SRGAP2C: variants seen among roughly 807,000 people sequenced by gnomAD.
SRGAP2C encodes SLIT-ROBO Rho GTPase-activating protein 2C.
Under a neutral mutation model 25.1 loss-of-function variants are expected in SRGAP2C, and 15 were observed. The ratio of observed to expected loss-of-function variants is 0.60; its 90% CI spans 0.40 to 0.92. The LOEUF (loss-of-function observed/expected upper bound fraction) is 0.92, where lower values mean the gene tolerates loss of function less well. Ranked by LOEUF, SRGAP2C falls within the 40% of genes least tolerant of loss-of-function variation. The probability of loss-of-function intolerance (pLI) is 0.00; values close to 1 mark genes in which losing one functional copy is unlikely to be tolerated. For missense variants in SRGAP2C, 144 were observed against 264.4 expected (o/e 0.54, Z 3.16); for synonymous variants, 44 against 96.6 (o/e 0.46, Z 3.19).
chr1:121,207,347 C>T (rs1243360610), intron 2 of SRGAP2C, among the ~76,000 whole-genome samples: 73 of 151,604 alleles, frequency 4.8e-4, no homozygotes, highest in African/African-American at 1.6e-3. Context: ...TGCCTTGCTC[C>T]GAGTTTGGTT....
At chr1:121,295,869 C>A (rs1239056924) in intron 3 of SRGAP2C, among the ~76,000 whole-genome samples, 1 of 152,104 alleles carries the variant, frequency 6.6e-6, no homozygotes, top group African/African-American at 2.4e-5. Context: ...TCAAGCTATT[C>A]TCCTGCCTCA....
At chr1:121,337,777 T>C (rs1434871529) in intron 4 of SRGAP2C, among the ~76,000 whole-genome samples, 3 of 133,038 alleles carry the variant, frequency 2.3e-5, no homozygotes, top group African/African-American at 8.6e-5. Flanking sequence ...ACACGAATAG[T>C]GTGCAAGCTG....
chr1:121,391,465 A>G lies in SRGAP2C; in HGVS notation c.*3610A>G, dbSNP rs1660079958. 6.6e-6 allele frequency: 1 copy of G among 152,270 alleles called. No homozygotes were observed. The highest frequency in any genetic ancestry group is 1.5e-5 in the Non-Finnish European group (1 of 68,058). The allele number at this position is 152,270 out of a possible 1,614,324, so 9.4% of individuals were successfully genotyped here. A position where few individuals can be genotyped will look rare whatever the true frequency, so the allele number is the denominator to read the frequency against. ...AAGCCAGTCTGCATGGCCTACAGAC[A>G]TATTTTGCTGGACAATGATTACTTG... On this transcript the variant is annotated 3_prime_UTR_variant, in exon 10 of 10. Coordinates refer to ENST00000367123, the MANE Select transcript of SRGAP2C (RefSeq NM_001329984.2).
chr1:121,309,583 C>A (rs1657933934), intron 3 of SRGAP2C, among the ~76,000 whole-genome samples: 1 of 151,678 alleles, frequency 6.6e-6, no homozygotes, highest in African/African-American at 2.4e-5. Flanking sequence ...CTCCCCCAAC[C>A]CCACCACAGT....
intron 4 of SRGAP2C, among the ~76,000 whole-genome samples, chr1:121,350,106 A>T (rs1226200241): frequency 6.6e-6 from 1 of 151,272 alleles, no homozygotes; most frequent in East Asian, 1.9e-4. Context: ...TAGGGCTAGC[A>T]GGACAAATAT....
intron 2 of SRGAP2C, among the ~76,000 whole-genome samples, chr1:121,272,327 A>G (rs587643553): frequency 6.6e-6 from 1 of 151,684 alleles, no homozygotes; most frequent in South Asian, 2.1e-4. Flanking sequence ...TAGAGAGATA[A>G]GTAATTTGCC....
rs1413356057 is a variant in SRGAP2C at position 121,391,536 on chromosome 1, G to C, written c.*3681G>C. 1 of 150,796 alleles carries C rather than the reference G, an allele frequency of 6.6e-6. No homozygotes were observed. Among genetic ancestry groups the C allele is most frequent in the Non-Finnish European group, 1.5e-5 (1 of 67,708 alleles). The allele number at this position is 150,796 out of a possible 1,614,324, so 9.3% of individuals were successfully genotyped here. Reference sequence around the variant, plus strand: ...GTATATGCCTGTTTGATTGGTTCCTGACATACCAGAAAATCACTGTCAAAA... The same window carrying C: ...GTATATGCCTGTTTGATTGGTTCCTCACATACCAGAAAATCACTGTCAAAA... On this transcript the variant is annotated 3_prime_UTR_variant, in exon 10 of 10. Transcript: ENST00000367123.
chr1:121,228,889 C>T (rs1655749227), intron 2 of SRGAP2C, among the ~76,000 whole-genome samples: 2 of 151,688 alleles, frequency 1.3e-5, no homozygotes, highest in South Asian at 4.2e-4. Context: ...CCAAATGATG[C>T]CAGGGAGAGG....
At chr1:121,362,141 C>A (rs1299201732) in intron 4 of SRGAP2C, 1 of 62,432 alleles carries the variant, frequency 1.6e-5, no homozygotes, top group South Asian at 6.2e-4. Flanking sequence ...GTGGCCAGCA[C>A]GGAAGCCCTT....
rs1331092039 is a variant in SRGAP2C, at chr1:121,389,156, A to G, written c.*1301A>G. ...ATTATAATATTCTTTAAGCATATTTATGAGTAAAATATTAAAACCTATACA... is the reference window on the plus strand; with the variant it reads ...ATTATAATATTCTTTAAGCATATTTGTGAGTAAAATATTAAAACCTATACA... On this transcript the variant is annotated 3_prime_UTR_variant, in exon 10 of 10. Transcript: ENST00000367123. 6.6e-6 allele frequency: 1 copy of G among 152,198 alleles called. No individual in the cohort carries two copies. The highest frequency in any genetic ancestry group is 1.5e-5 in the Non-Finnish European group (1 of 68,018). The allele number at this position is 152,198 out of a possible 1,614,324, so 9.4% of individuals were successfully genotyped here.
chr1:121,287,634 G>A (rs1255856631), intron 3 of SRGAP2C, among the ~76,000 whole-genome samples: 3 of 152,174 alleles, frequency 2.0e-5, no homozygotes, highest in Non-Finnish European at 4.4e-5. Flanking sequence ...TAATCTCCAA[G>A]TCATCTTGTG....
At chr1:121,221,841 T>C (rs1417546892) in intron 2 of SRGAP2C, among the ~76,000 whole-genome samples, 1 of 150,854 alleles carries the variant, frequency 6.6e-6, no homozygotes, top group Non-Finnish European at 1.5e-5. Flanking sequence ...TGAGCATGTC[T>C]GTGTAAATGT....
chr1:121,225,953 C>T (rs1276885793), intron 2 of SRGAP2C, among the ~76,000 whole-genome samples: 7 of 149,100 alleles, frequency 4.7e-5, no homozygotes, highest in Non-Finnish European at 1.5e-5. Context: ...GATCCAACTG[C>T]CTCGGCCTCC....
intron 2 of SRGAP2C, among the ~76,000 whole-genome samples, chr1:121,265,157 C>T (rs1293846485): frequency 1.4e-5 from 2 of 140,064 alleles, no homozygotes; most frequent in Non-Finnish European, 3.1e-5. Context: ...CGAGATCATG[C>T]CACTGTACTC....
chr1:121,299,528 G>T (rs1657658398), intron 3 of SRGAP2C, among the ~76,000 whole-genome samples: 1 of 78,122 alleles, frequency 1.3e-5, no homozygotes, highest in South Asian at 3.1e-4. Context: ...TTAGGGTGCA[G>T]CTGGTTAAAG....
At chr1:121,297,618 G>A (rs1657624142) in intron 3 of SRGAP2C, among the ~76,000 whole-genome samples, 1 of 150,950 alleles carries the variant, frequency 6.6e-6, no homozygotes, top group Non-Finnish European at 1.5e-5. Context: ...TAATTATCAG[G>A]AAAAGTCAAT....
At chr1:121,323,733 G>T (rs1658260198) in intron 3 of SRGAP2C, among the ~76,000 whole-genome samples, 1 of 139,260 alleles carries the variant, frequency 7.2e-6, no homozygotes, top group Non-Finnish European at 1.5e-5. Flanking sequence ...GTTCTTGATT[G>T]TATGGGACAT....
chr1:121,359,139 G>A (rs1260767491), intron 4 of SRGAP2C, among the ~76,000 whole-genome samples: 1 of 18,656 alleles, frequency 5.4e-5, no homozygotes, highest in East Asian at 8.5e-4. Context: ...AATTGAACCT[G>A]CTTTGAAACA....
intron 3 of SRGAP2C, chr1:121,314,836 A>T: frequency 3.9e-6 from 2 of 509,744 alleles, no homozygotes; most frequent in South Asian, 1.6e-5. Flanking sequence ...CAAAGCTCAG[A>T]TGGAAATGCA....
Sources: gnomAD v4.1 joint callset for allele counts (sites outside exome capture counted in the v4.1 genomes callset) on GRCh38, gnomAD v4.1.1 for gene constraint, MANE v1.5 for transcripts, NCBI Gene and HGNC (gene_info 2026-07-23, HGNC 2026-07-21) for gene names.